Variants in KHDRBS2 observed in about 807,000 individuals in gnomAD.
The protein encoded by KHDRBS2 is KH RNA binding domain containing, signal transduction associated 2, also known as KH domain-containing, RNA-binding, signal transduction-associated protein 2.
Under a neutral mutation model 44.3 loss-of-function variants are expected in KHDRBS2, and 26 were observed. The ratio of observed to expected loss-of-function variants is 0.59; its 90% CI spans 0.43 to 0.81. The LOEUF (loss-of-function observed/expected upper bound fraction) is 0.81. Ranked by LOEUF, KHDRBS2 falls within the 40% of genes least tolerant of loss-of-function variation. The pLI is 0.00. For synonymous variants in KHDRBS2, 194 were observed against 151.1 expected, an observed-to-expected ratio of 1.28 and a Z score of -2.08; for missense variants, 476 against 433.1, an observed-to-expected ratio of 1.10 and a Z score of -0.88.
chr6:62,083,239 G>T (rs1797753687), intron 2 of KHDRBS2, among the ~76,000 whole-genome samples: 1 of 152,126 alleles, frequency 6.6e-6, no homozygotes, highest in Non-Finnish European at 1.5e-5. Flanking sequence ...GTGAGAAGCA[G>T]CTTGACTCCA....
In KHDRBS2 at chr6:62,163,326, T is replaced by C. The variant is rs915736536; in HGVS notation, c.219+13859A>G. Among the ~76,000 whole-genome samples the C allele has an allele frequency of 4.6e-5, 7 of 152,046 alleles. No homozygotes were observed. The East Asian group carries it at 5.8e-4, about 13-fold the overall frequency. ...TGGAAACTTACAGGAATAAGGATCA[T>C]ATTTCAATGAGGAAATGGAAAAACT... is the stretch of plus-strand genomic sequence containing the variant. On this transcript the variant is annotated intron_variant, in intron 2 of 8. Transcript: ENST00000281156.
chr6:61,547,174 C>A, the KHDRBS2 span, among the ~76,000 whole-genome samples: 1 of 152,052 alleles, frequency 6.6e-6, no homozygotes, highest in Non-Finnish European at 1.5e-5. Context: ...GTGGCTCCGA[C>A]AACTCTCAAT....
the KHDRBS2 span, among the ~76,000 whole-genome samples, chr6:61,647,854 A>G: frequency 3.3e-5 from 5 of 152,176 alleles, no homozygotes; most frequent in African/African-American, 1.2e-4. Flanking sequence ...AGTAAATGCC[A>G]TGATGTAGAG....
At chr6:61,654,694 A>G in the KHDRBS2 span, among the ~76,000 whole-genome samples, 1 of 151,194 alleles carries the variant, frequency 6.6e-6, no homozygotes, top group Non-Finnish European at 1.5e-5. Context: ...TGAGTTGCTC[A>G]ACTCAGAAAT....
intron 4 of KHDRBS2, among the ~76,000 whole-genome samples, chr6:61,932,185 C>T (rs186996090): frequency 6.6e-6 from 1 of 152,200 alleles, no homozygotes; most frequent in Admixed American, 6.5e-5. Context: ...CACCCCTAAG[C>T]CCCTATGTTG....
At chr6:61,821,070 A>G (rs929230512) in intron 6 of KHDRBS2, among the ~76,000 whole-genome samples, 3 of 151,982 alleles carry the variant, frequency 2.0e-5, no homozygotes, top group Non-Finnish European at 4.4e-5. Context: ...CTGTTTGTCT[A>G]TTATTTTTTC....
chr6:61,796,710 C>T (rs1785409160), intron 6 of KHDRBS2, among the ~76,000 whole-genome samples: 1 of 152,056 alleles, frequency 6.6e-6, no homozygotes, highest in Admixed American at 6.5e-5. Flanking sequence ...ATGTACAAAA[C>T]ACCCTTTACA....
rs116231711 is a variant in KHDRBS2 at position 62,269,494 on chromosome 6, A to T, written c.91+16364T>A. On this transcript the variant is annotated intron_variant, in intron 1 of 8. Transcript: ENST00000281156. ...AAAGCACATGAAAGCATGCTCTTCA[A>T]TATTAATATTCAAGGAGATGCAAAT... 1.9e-3 allele frequency among the ~76,000 whole-genome samples: 293 copies of T among 152,220 alleles called. 3 individuals are homozygous for T. Among genetic ancestry groups the T allele is most frequent in the African/African-American group, 6.8e-3 (283 of 41,566 alleles).
At chr6:61,807,045 T>A (rs1199794509) in intron 6 of KHDRBS2, among the ~76,000 whole-genome samples, 2 of 152,088 alleles carry the variant, frequency 1.3e-5, no homozygotes, top group Admixed American at 6.6e-5. Context: ...ACAGAAGACA[T>A]ACAGATGGCC....
At chr6:62,012,241 A>G (rs555748203) in intron 3 of KHDRBS2, among the ~76,000 whole-genome samples, 1 of 152,310 alleles carries the variant, frequency 6.6e-6, no homozygotes, top group East Asian at 1.9e-4. Flanking sequence ...TACCTCAGCT[A>G]TCAGTAAGTC....
At chr6:61,561,589 C>T in the KHDRBS2 span, among the ~76,000 whole-genome samples, 1 of 152,126 alleles carries the variant, frequency 6.6e-6, no homozygotes, top group Non-Finnish European at 1.5e-5. Context: ...CTTTCCTTCC[C>T]TTTCCACAGG....
At chr6:61,852,228 A>G (rs1381808782) in intron 6 of KHDRBS2, among the ~76,000 whole-genome samples, 1 of 151,962 alleles carries the variant, frequency 6.6e-6, no homozygotes, top group Non-Finnish European at 1.5e-5. Context: ...TCCAAAAATA[A>G]ATAAATAAAT....
chr6:62,106,411 TCTA>T (rs1162770554), intron 2 of KHDRBS2, among the ~76,000 whole-genome samples: 1 of 151,982 alleles, frequency 6.6e-6, no homozygotes, highest in Non-Finnish European at 1.5e-5. Context: ...TGTGTGGGAG[TCTA>T]AGTCTCTTTG....
At chr6:61,568,862 G>T in the KHDRBS2 span, among the ~76,000 whole-genome samples, 1 of 152,202 alleles carries the variant, frequency 6.6e-6, no homozygotes, top group African/African-American at 2.4e-5. Flanking sequence ...GAGGGCAAAA[G>T]AATCTTCCAA....
intron 6 of KHDRBS2, among the ~76,000 whole-genome samples, chr6:61,762,109 A>G (rs1223791272): frequency 6.6e-6 from 1 of 152,214 alleles, no homozygotes; most frequent in Non-Finnish European, 1.5e-5. Flanking sequence ...TATTTCATAC[A>G]CTTCAATGAC....
chr6:61,791,537 A>G (rs1784641523), intron 6 of KHDRBS2, among the ~76,000 whole-genome samples: 1 of 151,526 alleles, frequency 6.6e-6, no homozygotes, highest in African/African-American at 2.4e-5. Flanking sequence ...AAATTAATTG[A>G]GATCAAAAAT....
chr6:61,945,113 GTATATATATATATATATATATATA>G lies in KHDRBS2; in HGVS notation c.483+32929_483+32952del, dbSNP rs61105265. Among the ~76,000 whole-genome samples, 21 of 14,994 alleles carry G rather than the reference GTATATATATATATATATATATATA, an allele frequency of 1.4e-3. 2 individuals are homozygous for G. The highest frequency in any genetic ancestry group is 1.3e-3 in the African/African-American group (5 of 3,936). The allele number at this position is 14,994 out of a possible 152,430, so 9.8% of individuals were successfully genotyped here. A position where few individuals can be genotyped will look rare whatever the true frequency, so the allele number is the denominator to read the frequency against. ...CTTAAAAAAAAAAAAAAAAAAAAAA[GTATATATATATATATATATATATA>G]TATATATATATATACACACAGACTT... On this transcript the variant is annotated intron_variant, in intron 4 of 8. Coordinates refer to ENST00000281156, the MANE Select transcript of KHDRBS2 (RefSeq NM_152688.4).
chr6:61,840,190 T>C (rs2127270950), intron 6 of KHDRBS2, among the ~76,000 whole-genome samples: 1 of 152,210 alleles, frequency 6.6e-6, no homozygotes, highest in East Asian at 1.9e-4. Context: ...AAACTGATAT[T>C]AAAATTGCAT....
intron 2 of KHDRBS2, among the ~76,000 whole-genome samples, chr6:62,097,668 C>G: frequency 6.6e-6 from 1 of 151,920 alleles, no homozygotes; most frequent in Non-Finnish European, 1.5e-5. Context: ...TTTTTTCAAT[C>G]CATTCACTAA....
Sources: allele counts gnomAD v4.1 joint callset (sites outside exome capture counted in the v4.1 genomes callset), GRCh38; gene constraint gnomAD v4.1.1; transcripts MANE v1.5; gene names NCBI Gene and HGNC (gene_info 2026-07-23, HGNC 2026-07-21).